CASZ1: variants seen among roughly 807,000 people sequenced by gnomAD.
CASZ1 encodes the protein zinc finger protein castor homolog 1.
A neutral mutation model predicts 135.2 loss-of-function variants in CASZ1; 28 were observed. That is an observed-to-expected ratio of 0.21 (90% CI 0.15 to 0.28). The LOEUF (loss-of-function observed/expected upper bound fraction) is 0.28. Among genes scored for constraint, CASZ1 ranks in the 10% least tolerant of loss-of-function variants. CASZ1 has a pLI of 1.00. For synonymous variants in CASZ1, 1,068 were observed against 1,073.4 expected, an observed-to-expected ratio of 0.99 and a Z score of 0.10; for missense variants, 2,161 against 2,453.3, an observed-to-expected ratio of 0.88 and a Z score of 2.52.
rs147188438 is a variant in CASZ1 at position 10,660,282 on chromosome 1, A to C, written c.760T>G (p.Trp254Gly). Reference sequence around the variant, plus strand: ...TCGGTCTTGGTGCTGGGGGCCGGCCAGGAGAGCTGCTCGCCAGCCTTGAGC... The same window carrying C: ...TCGGTCTTGGTGCTGGGGGCCGGCCCGGAGAGCTGCTCGCCAGCCTTGAGC... ...RKLKAGEQLSWPAPSTKTEER... is the reference protein window; with the variant it reads ...RKLKAGEQLSGPAPSTKTEER... The change falls in exon 6 of 21, where the codon TGG (tryptophan) becomes GGG (glycine). Residue 254 changes from tryptophan (W) to glycine (G), a missense_variant. Coordinates refer to ENST00000377022, the MANE Select transcript of CASZ1 (RefSeq NM_001079843.3). 997 of 1,613,994 alleles carry C rather than the reference A, an allele frequency of 6.2e-4. No individual in the cohort carries two copies. The highest frequency in any genetic ancestry group is 8.0e-4 in the Non-Finnish European group (941 of 1,179,966).
intron 1 of CASZ1, among the ~76,000 whole-genome samples, chr1:10,763,295 C>T (rs753486167): frequency 7.9e-5 from 12 of 152,300 alleles, no homozygotes; most frequent in African/African-American, 1.9e-4. Flanking sequence ...GAAATCACAA[C>T]GGGCTGAGAA....
rs933396664 is a variant in CASZ1 at position 10,755,169 on chromosome 1, A to C, written c.-77+5532T>G. Among the ~76,000 whole-genome samples, 26 of 152,222 alleles carry C rather than the reference A, an allele frequency of 1.7e-4. No homozygotes were observed. Among genetic ancestry groups the C allele is most frequent in the Non-Finnish European group, 3.7e-4 (25 of 68,042 alleles). ...TCCAGGGGTCCCGCGGAAGGTGGGC[A>C]GCAAGGGGATCACTGGCCGCCTCAT... On this transcript the variant is annotated intron_variant, in intron 2 of 20. Transcript: ENST00000377022. This position sits in a 1 kb window ranked among gnomAD's most constrained non-coding sequence, Gnocchi z 4.3.
At chr1:10,664,765 C>T (rs1643171286) in intron 5 of CASZ1, among the ~76,000 whole-genome samples, 1 of 152,114 alleles carries the variant, frequency 6.6e-6, no homozygotes, top group African/African-American at 2.4e-5. Flanking sequence ...CACCATCTGT[C>T]CAGCCATCTA....
chr1:10,682,310 C>T (rs769481048), intron 4 of CASZ1, among the ~76,000 whole-genome samples: 11 of 151,922 alleles, frequency 7.2e-5, no homozygotes, highest in Admixed American at 2.0e-4. Flanking sequence ...GAAGGGGCAA[C>T]GGGAAATATC....
At chr1:10,650,851 C>T in intron 12 of CASZ1, 90 bp downstream of exon 12, 1 of 1,602,806 alleles carries the variant, frequency 6.2e-7, no homozygotes, top group Non-Finnish European at 8.5e-7. Flanking sequence ...CCAGCCGAGC[C>T]CGCTGCAACT....
At chr1:10,645,227 C>T (rs1444754462) in intron 17 of CASZ1, 139 bp from the exon 18 acceptor site, 3 of 770,730 alleles carry the variant, frequency 3.9e-6, no homozygotes, top group Non-Finnish European at 4.1e-6. Context: ...AAACACCTTT[C>T]ACATGTTAAA....
intron 3 of CASZ1, among the ~76,000 whole-genome samples, chr1:10,703,297 T>C (rs1252697200): frequency 6.6e-5 from 10 of 152,218 alleles, no homozygotes; most frequent in African/African-American, 2.4e-4. Flanking sequence ...GCGGCCTTGG[T>C]CCCTGGTCCT....
chr1:10,702,985 A>AGAGAGC (rs987789774), intron 3 of CASZ1, among the ~76,000 whole-genome samples: 1 of 151,366 alleles, frequency 6.6e-6, no homozygotes, highest in East Asian at 1.9e-4. Flanking sequence ...AGAGAGAGAG[A>AGAGAGC]GCGCCATGGA....
At chr1:10,790,552 C>A (rs117799067) in intron 1 of CASZ1, among the ~76,000 whole-genome samples, 5 of 152,160 alleles carry the variant, frequency 3.3e-5, no homozygotes, top group Middle Eastern at 3.2e-3. Context: ...ACTGGCTCGG[C>A]CTTCTCTTCT....
At chr1:10,782,030 AC>A (rs1384566656) in intron 1 of CASZ1, among the ~76,000 whole-genome samples, 1 of 151,888 alleles carries the variant, frequency 6.6e-6, no homozygotes, top group African/African-American at 2.4e-5. Context: ...GGGCACAGAC[AC>A]CCCCCAGGAG....
chr1:10,704,600 C>G (rs1009226184), intron 3 of CASZ1: 1 of 152,286 alleles, frequency 6.6e-6, no homozygotes, highest in African/African-American at 2.4e-5. Context: ...AACCCAGAGC[C>G]GGTCGGTCGC....
chr1:10,704,795 A>G (rs553916240), intron 3 of CASZ1, among the ~76,000 whole-genome samples: 15 of 152,302 alleles, frequency 9.8e-5, no homozygotes, highest in African/African-American at 3.6e-4. Context: ...CCTCTGACAC[A>G]GCACTGCCTG....
rs1030331399 is a variant in CASZ1 at position 10,655,565 on chromosome 1, C to T, written c.1665+84G>A. 4.0e-5 allele frequency: 54 copies of T among 1,355,852 alleles called. No homozygotes were observed. In the East Asian group the frequency reaches 9.1e-4, roughly 23 times the overall value. The allele number at this position is 1,355,852 out of a possible 1,614,324, so 84.0% of individuals were successfully genotyped here. A position where few individuals can be genotyped will look rare whatever the true frequency, so the allele number is the denominator to read the frequency against. ...TGGGGTCCCTGCCCATGGGGCAGCC[C>T]TGCCTCTGGGAGTGGGGGGCTCAGA... On this transcript the variant is annotated intron_variant, in intron 9 of 20. Transcript: ENST00000377022.
In CASZ1 at chr1:10,767,040, C is replaced by T. The variant is rs187799565; in HGVS notation, c.-233-6183G>A. On this transcript the variant is annotated intron_variant, in intron 1 of 20. Coordinates refer to ENST00000377022, the MANE Select transcript of CASZ1 (RefSeq NM_001079843.3). The surrounding 1 kb of genome is among the most constrained non-coding windows in gnomAD (Gnocchi z 4.2). ...GAGGCAGAGTGGTGGGACCTAGACT[C>T]GCTCTTCCCAAACTTCAGAAGGAAA... 1.8e-4 allele frequency among the ~76,000 whole-genome samples: 27 copies of T among 152,216 alleles called. No homozygotes were observed. The highest frequency in any genetic ancestry group is 6.0e-4 in the African/African-American group (25 of 41,458).
intron 1 of CASZ1, among the ~76,000 whole-genome samples, chr1:10,790,912 T>A (rs1640945547): frequency 6.6e-6 from 1 of 151,956 alleles, no homozygotes; most frequent in South Asian, 2.1e-4. Context: ...GGGGACATCA[T>A]GAGGAATCTT....
rs1203038668 is a variant in CASZ1 at position 10,699,151 on chromosome 1, C to T, written c.-23-5239G>A. 2.0e-5 allele frequency among the ~76,000 whole-genome samples: 3 copies of T among 152,162 alleles called. No homozygotes were observed. The highest frequency in any genetic ancestry group is 6.5e-5 in the Admixed American group (1 of 15,280). ...TGAGGCCTGGCAGGGTACCAGCCTT[C>T]GGGGAGAAGAGCTGGGGATCGACAT... On this transcript the variant is annotated intron_variant, in intron 3 of 20. Coordinates refer to ENST00000377022, the MANE Select transcript of CASZ1 (RefSeq NM_001079843.3). This position sits in a 1 kb window ranked among gnomAD's most constrained non-coding sequence, Gnocchi z 4.6.
At chr1:10,738,774 C>CTCT (rs1210481977) in intron 2 of CASZ1, among the ~76,000 whole-genome samples, 4 of 152,288 alleles carry the variant, frequency 2.6e-5, no homozygotes, top group African/African-American at 7.2e-5. Flanking sequence ...CATTTAAAGG[C>CTCT]TCTTCTCTCT....
At chr1:10,649,243 G>T (rs563384559) in intron 14 of CASZ1, 40 bp downstream of exon 14, 13 of 1,607,986 alleles carry the variant, frequency 8.1e-6, no homozygotes, top group African/African-American at 4.0e-5. Flanking sequence ...CAGGGCGGGT[G>T]CGGGGGGACG....
rs149914932 is a variant in CASZ1 at position 10,719,816 on chromosome 1, T to C, written c.-76-14272A>G. On this transcript the variant is annotated intron_variant, in intron 2 of 20. Transcript: ENST00000377022. The surrounding 1 kb of genome is among the most constrained non-coding windows in gnomAD (Gnocchi z 4.0). ...AGAGCATGGGGGATCCCCACAGGCC[T>C]GGAACAGGCACCTCCGGGGTTCAAA... Among the ~76,000 whole-genome samples, 559 of 152,320 alleles carry C rather than the reference T, an allele frequency of 3.7e-3. 3 individuals are homozygous for C. The highest frequency in any genetic ancestry group is 0.013 in the African/African-American group (545 of 41,586).
Sources: allele counts gnomAD v4.1 joint callset (sites outside exome capture counted in the v4.1 genomes callset), GRCh38; gene constraint gnomAD v4.1.1; non-coding constraint Gnocchi (gnomAD v3.1); transcripts MANE v1.5; gene names NCBI Gene and HGNC (gene_info 2026-07-23, HGNC 2026-07-21).